The following OSBPL3 variants were observed in gnomAD, a reference collection of about 807,000 sequenced individuals.
OSBPL3 encodes oxysterol binding protein like 3.
In OSBPL3, 65 loss-of-function variants were observed where a neutral mutation model predicts 120.1. The observed-to-expected ratio is 0.54, with a 90% CI of 0.44 to 0.67. The LOEUF is 0.67. Ranked by LOEUF, OSBPL3 falls within the 30% of genes least tolerant of loss-of-function variation. The pLI is 0.00. For missense variants in OSBPL3, 1,004 were observed against 1,082.1 expected (o/e 0.93, Z 1.01); for synonymous variants, 416 against 402.6 (o/e 1.03, Z -0.40).
rs755442145 is a variant in OSBPL3 at position 24,816,614 on chromosome 7, G to A, written c.2023C>T (p.Pro675Ser). ...AACCACAGAAGAAGAACTTACACTG[G>A]CAGAGTCACATGGGTTGTGCCAATT... is the stretch of plus-strand genomic sequence containing the variant. ...VPIGTTHVTL[P>S]VFGDHFEWNK... Residue 675 changes from proline to serine, a missense_variant, in exon 18 of 23, where the codon CCA becomes TCA. By Grantham distance (74) the Pro-to-Ser change is moderately conservative. Coordinates refer to ENST00000313367, the MANE Select transcript of OSBPL3 (RefSeq NM_015550.4). 5 of 1,607,974 alleles carry A rather than the reference G, an allele frequency of 3.1e-6. No individual in the cohort carries two copies. Among genetic ancestry groups the A allele is most frequent in the Non-Finnish European group, 4.3e-6 (5 of 1,174,566 alleles).
In OSBPL3 at chr7:24,806,066, C is replaced by T. The variant is rs1288925527; in HGVS notation, c.2444+710G>A. On this transcript the variant is annotated intron_variant, in intron 21 of 22. Coordinates refer to ENST00000313367, the MANE Select transcript of OSBPL3 (RefSeq NM_015550.4). This position sits in a 1 kb window ranked among gnomAD's most constrained non-coding sequence, Gnocchi z 5.2. ...CCTCCTCTTGGGTTCAAGCAATTCTCGTGCCTCAGCCTCCCAAGTAGTTGG... is the reference window on the plus strand; with the variant it reads ...CCTCCTCTTGGGTTCAAGCAATTCTTGTGCCTCAGCCTCCCAAGTAGTTGG... Among the ~76,000 whole-genome samples, 3 of 152,180 alleles carry T rather than the reference C, an allele frequency of 2.0e-5. No homozygotes were observed. The highest frequency in any genetic ancestry group is 2.0e-4 in the Admixed American group (3 of 15,284).
rs149778715 is a variant in OSBPL3, at chr7:24,862,152, C to T, written c.871-383G>A. On this transcript the variant is annotated intron_variant, in intron 9 of 22. Coordinates refer to ENST00000313367, the MANE Select transcript of OSBPL3 (RefSeq NM_015550.4). This position sits in a 1 kb window ranked among gnomAD's most constrained non-coding sequence, Gnocchi z 4.4. ...CTGCCCGCCTCAGCCTTCCAAAGTG[C>T]TGGGATTACAGGCGTGAGCCACCGC... is the stretch of plus-strand genomic sequence containing the variant. Among the ~76,000 whole-genome samples, 1,682 of 152,284 alleles carry T rather than the reference C, an allele frequency of 0.011. 14 individuals are homozygous for T. Among genetic ancestry groups the T allele is most frequent in the Non-Finnish European group, 0.017 (1,152 of 68,012 alleles).
chr7:24,889,075 A>G (rs1157347621), intron 2 of OSBPL3, among the ~76,000 whole-genome samples: 3 of 152,222 alleles, frequency 2.0e-5, no homozygotes, highest in African/African-American at 7.2e-5. Flanking sequence ...ATAAACATGT[A>G]GGGCTCCTTT....
chr7:24,836,242 G>A (rs746052757), intron 14 of OSBPL3, among the ~76,000 whole-genome samples: 15 of 152,084 alleles, frequency 9.9e-5, no homozygotes, highest in East Asian at 1.9e-4. Context: ...CCCATTTATC[G>A]GCAGCAGATG....
chr7:24,840,432 GA>G (rs1797601719), intron 14 of OSBPL3, among the ~76,000 whole-genome samples: 1 of 152,032 alleles, frequency 6.6e-6, no homozygotes, highest in Non-Finnish European at 1.5e-5. Context: ...CTGTTCTAAT[GA>G]TTTTTTTAAT....
rs1796423079 is a variant in OSBPL3, at chr7:24,831,978, G to A, written c.1747-1073C>T. On this transcript the variant is annotated intron_variant, in intron 15 of 22. Coordinates refer to ENST00000313367, the MANE Select transcript of OSBPL3 (RefSeq NM_015550.4). The surrounding 1 kb of genome is among the most constrained non-coding windows in gnomAD (Gnocchi z 4.0). ...GCACTTTGGGAGACCGAGGCAGGTG[G>A]ATCTGCTTGAGCCCAAGAGTTCAAG... 6.6e-6 allele frequency among the ~76,000 whole-genome samples: 1 copy of A among 151,846 alleles called. No homozygotes were observed.
Position 24,913,692 on chromosome 7 carries a change from C to T in OSBPL3, c.-149-21071G>A, listed in dbSNP as rs73691265. 9.2e-3 allele frequency among the ~76,000 whole-genome samples: 1,396 copies of T among 152,246 alleles called. 13 individuals carry two copies. The highest frequency in any genetic ancestry group is 0.032 in the African/African-American group (1,311 of 41,524). ...CCAGACCTCAAAATTTCTCCCTTAT[C>T]ATTTGGCATTTATCTTCATAATAGT... On this transcript the variant is annotated intron_variant, in intron 1 of 22. Coordinates refer to ENST00000313367, the MANE Select transcript of OSBPL3 (RefSeq NM_015550.4). The surrounding 1 kb of genome is among the most constrained non-coding windows in gnomAD (Gnocchi z 5.3).
At chr7:24,974,033 T>A (rs1460113953) in intron 1 of OSBPL3, among the ~76,000 whole-genome samples, 1 of 152,234 alleles carries the variant, frequency 6.6e-6, no homozygotes, top group Non-Finnish European at 1.5e-5. Flanking sequence ...TTTCAACACG[T>A]GATGTTTAAA....
Position 24,872,527 on chromosome 7 carries a change from A to T in OSBPL3, c.97-458T>A, listed in dbSNP as rs1423519039. Among the ~76,000 whole-genome samples the T allele has an allele frequency of 6.6e-6, 1 of 151,500 alleles. No homozygotes were observed. The highest frequency in any genetic ancestry group is 6.6e-5 in the Admixed American group (1 of 15,184). On this transcript the variant is annotated intron_variant, in intron 2 of 22. Coordinates refer to ENST00000313367, the MANE Select transcript of OSBPL3 (RefSeq NM_015550.4). This position sits in a 1 kb window ranked among gnomAD's most constrained non-coding sequence, Gnocchi z 4.1. ...AAGTTGGTTTAAGAATTGGCTGAACAGTATGAGACAATGCAAATCAGTAAA... is the reference window on the plus strand; with the variant it reads ...AAGTTGGTTTAAGAATTGGCTGAACTGTATGAGACAATGCAAATCAGTAAA...
chr7:24,878,629 C>T (rs910577568), intron 2 of OSBPL3, among the ~76,000 whole-genome samples: 7 of 152,156 alleles, frequency 4.6e-5, no homozygotes, highest in Non-Finnish European at 8.8e-5. Context: ...TCACTGAGAA[C>T]TGGAGTTGTT....
At chr7:24,893,987 CAT>C (rs140075725) in intron 1 of OSBPL3, among the ~76,000 whole-genome samples, 2 of 150,906 alleles carry the variant, frequency 1.3e-5, no homozygotes, top group Admixed American at 6.6e-5. Flanking sequence ...AATATACATA[CAT>C]ATATATATAT....
intron 19 of OSBPL3, among the ~76,000 whole-genome samples, chr7:24,811,201 G>T (rs1329394013): frequency 6.6e-6 from 1 of 152,000 alleles, no homozygotes; most frequent in Non-Finnish European, 1.5e-5. Flanking sequence ...TCATCTTTTT[G>T]ATAATAGCCA....
At chr7:24,903,137 C>G (rs1257484224) in intron 1 of OSBPL3, among the ~76,000 whole-genome samples, 5 of 152,140 alleles carry the variant, frequency 3.3e-5, no homozygotes, top group African/African-American at 1.2e-4. Context: ...ACTTGTGTAC[C>G]AACCTAATAC....
rs563988529 is a variant in OSBPL3, at chr7:24,906,439, T to C, written c.-149-13818A>G. Reference sequence around the variant, plus strand: ...ACCTTTCCTTGTTGAAGTGCAGCCATTGTTTCGTCCATCAGGCTCTGAGCT... The same window carrying C: ...ACCTTTCCTTGTTGAAGTGCAGCCACTGTTTCGTCCATCAGGCTCTGAGCT... On this transcript the variant is annotated intron_variant, in intron 1 of 22. Coordinates refer to ENST00000313367, the MANE Select transcript of OSBPL3 (RefSeq NM_015550.4). 2.4e-4 allele frequency: 49 copies of C among 202,424 alleles called. 3 individuals are homozygous for C. In the South Asian group the frequency reaches 2.9e-3, roughly 12 times the overall value. The allele number at this position is 202,424 out of a possible 1,614,324, so 12.5% of individuals were successfully genotyped here. A position where few individuals can be genotyped will look rare whatever the true frequency, so the allele number is the denominator to read the frequency against.
intron 1 of OSBPL3, among the ~76,000 whole-genome samples, chr7:24,928,311 C>T (rs571232248): frequency 2.0e-5 from 3 of 151,916 alleles, no homozygotes; most frequent in African/African-American, 7.2e-5. Flanking sequence ...CCTGCCTCAG[C>T]CTCCCGAGTA....
In OSBPL3 at chr7:24,898,881, C is replaced by T. The variant is rs188407333; in HGVS notation, c.-149-6260G>A. 6.6e-6 allele frequency among the ~76,000 whole-genome samples: 1 copy of T among 152,266 alleles called. No individual in the cohort carries two copies. Among genetic ancestry groups the T allele is most frequent in the Admixed American group, 6.5e-5 (1 of 15,284 alleles). On this transcript the variant is annotated intron_variant, in intron 1 of 22. Transcript: ENST00000313367. The surrounding 1 kb of genome is among the most constrained non-coding windows in gnomAD (Gnocchi z 4.3). Reference sequence around the variant, plus strand: ...ACCACTTCCTGTGACAGAAACAAGGCACTTCATTTCACCTTTTTAAAAATC... The same window carrying T: ...ACCACTTCCTGTGACAGAAACAAGGTACTTCATTTCACCTTTTTAAAAATC...
rs1816209833 is a variant in OSBPL3 at position 24,964,978 on chromosome 7, G to A, written c.-150+14908C>T. 6.6e-6 allele frequency among the ~76,000 whole-genome samples: 1 copy of A among 152,124 alleles called. No homozygotes were observed. The highest frequency in any genetic ancestry group is 1.5e-5 in the Non-Finnish European group (1 of 68,012). The stretch of plus-strand genomic sequence containing the variant: ...ATGTTTTGGGAAGTATTTTTAATAG[G>A]CATGTTGTATTAATTAATTATTGTG... On this transcript the variant is annotated intron_variant, in intron 1 of 22. Transcript: ENST00000313367. The surrounding 1 kb of genome is among the most constrained non-coding windows in gnomAD (Gnocchi z 4.2).
chr7:24,911,659 G>T (rs572639295), intron 1 of OSBPL3, among the ~76,000 whole-genome samples: 1 of 152,116 alleles, frequency 6.6e-6, no homozygotes, highest in Non-Finnish European at 1.5e-5. Flanking sequence ...AAGTCCCCAA[G>T]ATATATTTTG....
intron 1 of OSBPL3, among the ~76,000 whole-genome samples, chr7:24,970,755 C>T (rs1359808120): frequency 6.6e-6 from 1 of 152,152 alleles, no homozygotes; most frequent in African/African-American, 2.4e-5. Flanking sequence ...ACGAAAATGT[C>T]TGGGGCTTAA....
Sources: allele counts gnomAD v4.1 joint callset (sites outside exome capture counted in the v4.1 genomes callset), GRCh38; gene constraint gnomAD v4.1.1; non-coding constraint Gnocchi (gnomAD v3.1); transcripts MANE v1.5; gene names NCBI Gene and HGNC (gene_info 2026-07-23, HGNC 2026-07-21).